FRMD4B: variants seen among roughly 807,000 people sequenced by gnomAD.
FRMD4B encodes FERM domain-containing protein 4B.
FRMD4B carries 74 observed loss-of-function variants against 141.5 expected under a neutral mutation model. The ratio of observed to expected loss-of-function variants is 0.52; its 90% CI spans 0.43 to 0.63. The LOEUF is 0.63. Ranked by LOEUF, FRMD4B falls within the 30% of genes least tolerant of loss-of-function variation. The pLI, the probability that FRMD4B is intolerant of heterozygous loss-of-function variation, is 0.00. For missense variants in FRMD4B, 1,366 were observed against 1,253.4 expected, an observed-to-expected ratio of 1.09 and a Z score of -1.36; for synonymous variants, 506 against 467.9, an observed-to-expected ratio of 1.08 and a Z score of -1.05.
At chr3:69,182,839 A>G (rs1328512530) in intron 19 of FRMD4B, 122 bp from the exon 20 acceptor site, 4 of 888,754 alleles carry the variant, frequency 4.5e-6, no homozygotes, top group Non-Finnish European at 7.0e-6. Flanking sequence ...GGAGAAAGAT[A>G]GGAAGAGTGT....
chr3:69,176,325 C>A (rs1029654131), intron 22 of FRMD4B, among the ~76,000 whole-genome samples, 199 bp downstream of exon 22: 6 of 152,118 alleles, frequency 3.9e-5, no homozygotes, highest in African/African-American at 1.4e-4. Flanking sequence ...CAAAAACAGC[C>A]ATAGAGAACA....
At position 69,218,317 on chromosome 3, in the gene FRMD4B, C is replaced by T. The variant is rs780022437; in HGVS notation, c.789+5G>A. On this transcript the variant is annotated splice_donor_5th_base_variant and intron_variant, in intron 10 of 22. Transcript: ENST00000398540. ...ACGAAAGCTTTGTCATGTAAAATTA[C>T]TTACCTTTACTGCATAATAATGGAC... is the stretch of plus-strand genomic sequence containing the variant. 3 of 1,437,958 alleles carry T rather than the reference C, an allele frequency of 2.1e-6. No individual in the cohort carries two copies. Among genetic ancestry groups the T allele is most frequent in the East Asian group, 2.3e-5 (1 of 43,710 alleles). The allele number at this position is 1,437,958 out of a possible 1,614,324, so 89.1% of individuals were successfully genotyped here. A position where few individuals can be genotyped will look rare whatever the true frequency, so the allele number is the denominator to read the frequency against.
intron 1 of FRMD4B, among the ~76,000 whole-genome samples, chr3:69,462,797 T>C (rs1705726203): frequency 6.6e-6 from 1 of 152,230 alleles, no homozygotes; most frequent in Admixed American, 6.5e-5. Context: ...CGATTCCTCC[T>C]GGCCTCTCAG....
At chr3:69,448,996 G>GA (rs1381194586) in intron 1 of FRMD4B, among the ~76,000 whole-genome samples, 3 of 152,130 alleles carry the variant, frequency 2.0e-5, no homozygotes, top group Non-Finnish European at 2.9e-5. Context: ...TTTTGTAGAC[G>GA]ATGGGCTCAA....
intron 1 of FRMD4B, among the ~76,000 whole-genome samples, chr3:69,358,068 A>G (rs1703375892): frequency 1.3e-5 from 2 of 152,224 alleles, no homozygotes; most frequent in South Asian, 4.1e-4. Context: ...TTGTCACCTC[A>G]TAGTCAACTC....
chr3:69,418,136 T>A (rs1420113214), intron 2 of FRMD4B, among the ~76,000 whole-genome samples: 3 of 152,196 alleles, frequency 2.0e-5, no homozygotes, highest in Non-Finnish European at 4.4e-5. Flanking sequence ...ATCTAATATC[T>A]TTGGGGCAAT....
At chr3:69,435,026 TTTC>T (rs1178029222) in intron 1 of FRMD4B, among the ~76,000 whole-genome samples, 3 of 152,158 alleles carry the variant, frequency 2.0e-5, no homozygotes, top group African/African-American at 7.2e-5. Context: ...TGTGCCCATA[TTTC>T]TTCTTATAAA....
intron 4 of FRMD4B, among the ~76,000 whole-genome samples, chr3:69,299,978 T>C (rs1320380652): frequency 1.3e-5 from 2 of 152,160 alleles, no homozygotes; most frequent in Non-Finnish European, 2.9e-5. Flanking sequence ...CAGAACCAAA[T>C]GCTATCTTTG....
At chr3:69,227,403 C>T (rs970447642) in intron 7 of FRMD4B, among the ~76,000 whole-genome samples, 39 of 152,056 alleles carry the variant, frequency 2.6e-4, no homozygotes, top group African/African-American at 9.2e-4. Flanking sequence ...GTGGCTTAGC[C>T]TATAATCCCA....
intron 7 of FRMD4B, among the ~76,000 whole-genome samples, chr3:69,248,126 T>C (rs771933764): frequency 1.3e-5 from 2 of 152,084 alleles, no homozygotes; most frequent in Non-Finnish European, 2.9e-5. Context: ...TAATGGTCTG[T>C]AAACTACCTT....
At chr3:69,195,878 AC>A (rs2092898537) in intron 14 of FRMD4B, among the ~76,000 whole-genome samples, 1 of 152,200 alleles carries the variant, frequency 6.6e-6, no homozygotes, top group Non-Finnish European at 1.5e-5. Context: ...AGGGGAAGCT[AC>A]CACATTTGAG....
intron 1 of FRMD4B, among the ~76,000 whole-genome samples, chr3:69,498,444 G>A (rs1295939129): frequency 1.3e-5 from 2 of 152,200 alleles, no homozygotes; most frequent in East Asian, 1.9e-4. Flanking sequence ...GTGCATGAGA[G>A]AGAGAGAGAG....
intron 1 of FRMD4B, among the ~76,000 whole-genome samples, chr3:69,452,874 A>G (rs950666450): frequency 6.6e-6 from 1 of 152,244 alleles, no homozygotes; most frequent in African/African-American, 2.4e-5. Context: ...GAAAAATAGA[A>G]TAAGTTTAGC....
intron 4 of FRMD4B, among the ~76,000 whole-genome samples, chr3:69,297,862 T>C (rs1000908504): frequency 3.9e-5 from 6 of 152,204 alleles, no homozygotes; most frequent in African/African-American, 7.2e-5. Flanking sequence ...TTATGGTGCG[T>C]CTATACACAC....
At chr3:69,410,260 C>T (rs775254356) in intron 2 of FRMD4B, among the ~76,000 whole-genome samples, 4 of 152,152 alleles carry the variant, frequency 2.6e-5, no homozygotes, top group African/African-American at 4.8e-5. Flanking sequence ...AAAGCAGGTC[C>T]GATATCAGCT....
intron 1 of FRMD4B, among the ~76,000 whole-genome samples, chr3:69,372,532 G>T (rs960261195): frequency 6.6e-6 from 1 of 152,194 alleles, no homozygotes; most frequent in Non-Finnish European, 1.5e-5. Context: ...GGGCGTGGTG[G>T]CACGCACCTG....
chr3:69,287,727 T>C, intron 5 of FRMD4B, 25 bp downstream of exon 5: 2 of 1,276,378 alleles, frequency 1.6e-6, no homozygotes, highest in Non-Finnish European at 2.3e-6. Context: ...AGGCATCCAG[T>C]GAACATGACA....
intron 3 of FRMD4B, among the ~76,000 whole-genome samples, chr3:69,305,624 C>T (rs1559792917): frequency 6.6e-6 from 1 of 152,146 alleles, no homozygotes; most frequent in Non-Finnish European, 1.5e-5. Context: ...CATGGTGGCT[C>T]ACACCTGTAA....
Position 69,177,234 on chromosome 3 carries a change from G to A in FRMD4B, c.2852-578C>T, listed in dbSNP as rs1439333951. 3.3e-5 allele frequency among the ~76,000 whole-genome samples: 5 copies of A among 152,132 alleles called. No homozygotes were observed. The East Asian group carries it at 9.6e-4, about 29-fold the overall frequency. Reference sequence around the variant, plus strand: ...CATGCCTATAATCCCAGCCACTCAGGAGGCTGAGACAGGAGAAATACTTGA... The same window carrying A: ...CATGCCTATAATCCCAGCCACTCAGAAGGCTGAGACAGGAGAAATACTTGA... On this transcript the variant is annotated intron_variant, in intron 21 of 22. Transcript: ENST00000398540.
Sources: gnomAD v4.1 joint callset for allele counts (sites outside exome capture counted in the v4.1 genomes callset) on GRCh38, gnomAD v4.1.1 for gene constraint, MANE v1.5 for transcripts, NCBI Gene and HGNC (gene_info 2026-07-23, HGNC 2026-07-21) for gene names.